CPZ: variants seen among roughly 807,000 people sequenced by gnomAD.
CPZ encodes VEZT/CPZ fusion.
A neutral mutation model predicts 61.8 loss-of-function variants in CPZ; 103 were observed. The ratio of observed to expected loss-of-function variants is 1.67; its 90% CI spans 1.42 to 1.96. The LOEUF is 1.96. CPZ is among the 30% of genes most tolerant of loss of function. CPZ has a pLI of 0.00. For synonymous variants in CPZ, 551 were observed against 373.7 expected, an observed-to-expected ratio of 1.47 and a Z score of -5.47; for missense variants, 1,461 against 914.9, an observed-to-expected ratio of 1.60 and a Z score of -7.70.
In CPZ at chr4:8,607,252, G is replaced by C. The variant is rs2302578; in HGVS notation, c.1069-15G>C. Reference sequence around the variant, plus strand: ...AAAGCCCAGCCCTGAGGGCGGCCTCGTCTGTCCTGGGCAGGTGGCCCCGGA... The same window carrying C: ...AAAGCCCAGCCCTGAGGGCGGCCTCCTCTGTCCTGGGCAGGTGGCCCCGGA... On this transcript the variant is annotated splice_polypyrimidine_tract_variant and intron_variant, in intron 6 of 10. Transcript: ENST00000360986. 6.2e-7 allele frequency: 1 copy of C among 1,612,570 alleles called. No homozygotes were observed.
At chr4:8,610,987 CTCACTCTTTCACTCATTCACTCACTCAT>C (rs1667840493) in intron 7 of CPZ, among the ~76,000 whole-genome samples, 1 of 150,662 alleles carries the variant, frequency 6.6e-6, no homozygotes, top group Non-Finnish European at 1.5e-5. Flanking sequence ...CACTCAGTCA[CTCACTCTTTCACTCATTCACTCACTCAT>C]TCACTCATTC....
intron 9 of CPZ, 166 bp from the exon 10 acceptor site, chr4:8,618,263 A>T: frequency 1.6e-6 from 1 of 624,776 alleles, no homozygotes; most frequent in South Asian, 1.9e-5. Flanking sequence ...GAGGGGAGTG[A>T]CTGACTCGTT....
Position 8,601,270 on chromosome 4 carries a change from A to T in CPZ, c.269A>T (p.Glu90Val), listed in dbSNP as rs1345176869. 5.0e-6 allele frequency: 8 copies of T among 1,613,582 alleles called. No individual in the cohort carries two copies. Among genetic ancestry groups the T allele is most frequent in the Non-Finnish European group, 6.8e-6 (8 of 1,179,886 alleles). ...ILLSVLHQLL[E>V]GQCNPDLRLL... is the part of the protein sequence containing the mutation. Reference sequence around the variant, plus strand: ...CTGAGCGTTCTACACCAGCTCCTGGAAGGCCAGTGCAACCCGGACCTGCGG... The same window carrying T: ...CTGAGCGTTCTACACCAGCTCCTGGTAGGCCAGTGCAACCCGGACCTGCGG... Residue 90 changes from glutamate (E) to valine (V), a missense_variant, in exon 3 of 11, where the codon GAA becomes GTA. Transcript: ENST00000360986.
intron 8 of CPZ, among the ~76,000 whole-genome samples, chr4:8,613,846 A>T (rs919969465): frequency 1.3e-5 from 2 of 152,102 alleles, no homozygotes; most frequent in Non-Finnish European, 2.9e-5. Flanking sequence ...ACCCTCCTAG[A>T]CTCTGGTCAG....
chr4:8,612,600 A>G (rs1715811015), intron 8 of CPZ, among the ~76,000 whole-genome samples: 1 of 152,222 alleles, frequency 6.6e-6, no homozygotes, highest in South Asian at 2.1e-4. Flanking sequence ...GACTGATACT[A>G]CAATTGTATC....
At chr4:8,617,872 G>A (rs376967815) in intron 9 of CPZ, among the ~76,000 whole-genome samples, 80 of 152,300 alleles carry the variant, frequency 5.3e-4, no homozygotes, top group African/African-American at 1.5e-3. Context: ...GGGTGAAAAC[G>A]TTGGAGCTGT....
At position 8,605,900 on chromosome 4, in the gene CPZ, C is replaced by T. The variant is rs927819827; in HGVS notation, c.710-89C>T. ...CAAGTATGAATTGGTCCCAGCCCAT[C>T]TGGTCATTCTTGCTGAGTGGGGGGG... On this transcript the variant is annotated intron_variant, in intron 4 of 10. Coordinates refer to ENST00000360986, the MANE Select transcript of CPZ (RefSeq NM_001014447.3). 6 of 1,309,668 alleles carry T rather than the reference C, an allele frequency of 4.6e-6. No individual in the cohort carries two copies. In the Admixed American group the frequency reaches 1.2e-4, roughly 26 times the overall value. 81.1% of individuals were successfully genotyped at this position (1,309,668 alleles called of 1,614,324 possible). A position where few individuals can be genotyped will look rare whatever the true frequency, so the allele number is the denominator to read the frequency against.
rs572672412 is a variant in CPZ at position 8,619,651 on chromosome 4, C to T, written c.*34C>T. The stretch of plus-strand genomic sequence containing the variant: ...CCAGCACCCGCCAGGATGTGGAGAC[C>T]GAGGCCCATCTCCGCATCCCGGGCT... On this transcript the variant is annotated 3_prime_UTR_variant, in exon 11 of 11. Transcript: ENST00000360986. 3.3e-5 allele frequency: 47 copies of T among 1,436,246 alleles called. No individual in the cohort carries two copies. The highest frequency in any genetic ancestry group is 1.3e-4 in the African/African-American group (9 of 69,652). The allele number at this position is 1,436,246 out of a possible 1,614,324, so 89.0% of individuals were successfully genotyped here. A position where few individuals can be genotyped will look rare whatever the true frequency, so the allele number is the denominator to read the frequency against.
rs1373032421 is a variant in CPZ at position 8,609,380 on chromosome 4, CTCTTATTCTTTCACTCAT to C, written c.1227+1957_1227+1974del. Among the ~76,000 whole-genome samples, 11 of 152,358 alleles carry C rather than the reference CTCTTATTCTTTCACTCAT, an allele frequency of 7.2e-5. No homozygotes were observed. The East Asian group carries it at 2.1e-3, about 29-fold the overall frequency. On this transcript the variant is annotated intron_variant, in intron 7 of 10. Coordinates refer to ENST00000360986, the MANE Select transcript of CPZ (RefSeq NM_001014447.3). ...ATTCACTCACAAACTCATTCACTCA[CTCTTATTCTTTCACTCAT>C]TGGTTTATTCCCGCACTCCTTCCCT...
intron 8 of CPZ, among the ~76,000 whole-genome samples, chr4:8,613,100 A>G (rs1715850447): frequency 6.7e-6 from 1 of 149,612 alleles, no homozygotes. Flanking sequence ...ACAGACACCC[A>G]CGAGCAGAGC....
At position 8,601,431 on chromosome 4, in the gene CPZ, C is replaced by T. The variant is rs767690202; in HGVS notation, c.430C>T (p.Leu144Phe). ...DAIDMAWPYFLDCHRYFTRED... is the reference protein window; with the variant it reads ...DAIDMAWPYFFDCHRYFTRED... Reference sequence around the variant, plus strand: ...CATTGACATGGCCTGGCCCTACTTCCTTGACTGCCACCGCTACTTCACGAG... The same window carrying T: ...CATTGACATGGCCTGGCCCTACTTCTTTGACTGCCACCGCTACTTCACGAG... Residue 144 changes from leucine (L) to phenylalanine (F), a missense_variant, in exon 3 of 11, where the codon CTT becomes TTT. Leu to Phe is a conservative substitution (Grantham distance 22). Transcript: ENST00000360986. 1 of 1,562,018 alleles carries T rather than the reference C, an allele frequency of 6.4e-7. No individual in the cohort carries two copies. Among genetic ancestry groups the T allele is most frequent in the African/African-American group, 1.4e-5 (1 of 74,046 alleles).
intron 7 of CPZ, among the ~76,000 whole-genome samples, chr4:8,608,281 G>A (rs1715224451): frequency 6.6e-6 from 1 of 152,162 alleles, no homozygotes. Context: ...GCTTCGCGTG[G>A]AGAGCCAGGC....
rs1027050472 is a variant in CPZ at position 8,612,103 on chromosome 4, G to A, written c.1304G>A (p.Gly435Asp). ...GACAGGTCGGAGAATAGGTGTGGAG[G>A]CAATTTCCTGAAGAGGGGGAGCATC... is the stretch of plus-strand genomic sequence containing the variant. ...MMDRSENRCGGNFLKRGSIIN... is the reference protein window; with the variant it reads ...MMDRSENRCGDNFLKRGSIIN... The change falls in exon 8 of 11, where the codon GGC (glycine) becomes GAC (aspartate). Residue 435 changes from glycine to aspartate, a missense_variant. By Grantham distance (94) the Gly-to-Asp change is moderately conservative. Coordinates refer to ENST00000360986, the MANE Select transcript of CPZ (RefSeq NM_001014447.3). 3.7e-6 allele frequency: 6 copies of A among 1,610,948 alleles called. No individual in the cohort carries two copies. The Admixed American group carries it at 5.0e-5, about 13-fold the overall frequency.
At chr4:8,612,205 G>GGGGGGGGGGGGGGT in intron 8 of CPZ, 43 bp downstream of exon 8, 1 of 202,856 alleles carries the variant, frequency 4.9e-6, no homozygotes, top group Non-Finnish European at 9.6e-6. Context: ...GGTGGGGGGT[G>GGGGGGGGGGGGGGT]CAGGGGCTGG....
At chr4:8,595,449 C>A (rs11930657) in intron 1 of CPZ, among the ~76,000 whole-genome samples, 3,297 of 152,336 alleles carry the variant, frequency 0.022, 35 homozygotes, top group Middle Eastern at 0.031. Flanking sequence ...AGGGCAGGTG[C>A]GGCCTGGGAG....
rs1391361937 is a variant in CPZ at position 8,599,467 on chromosome 4, C to T, written c.103C>T (p.Pro35Ser). ...TCTCTTTCCAGGTGAATGCCACAGG[C>T]CACCAGCTGCAGACAGCGGTACAGT... ...ERNPAGECHRPPAADSATCVD... is the reference protein window; with the variant it reads ...ERNPAGECHRSPAADSATCVD... Residue 35 changes from proline to serine, a missense_variant, in exon 2 of 11, where the codon CCA (proline) becomes TCA (serine). Physicochemically the swap from Pro to Ser is moderately conservative, Grantham distance 74. Coordinates refer to ENST00000360986, the MANE Select transcript of CPZ (RefSeq NM_001014447.3). The T allele has an allele frequency of 1.9e-6, 3 of 1,612,202 alleles. No homozygotes were observed. The highest frequency in any genetic ancestry group is 1.3e-5 in the African/African-American group (1 of 74,882).
At chr4:8,607,018 C>T (rs1715093864) in intron 6 of CPZ, 120 bp downstream of exon 6, 2 of 1,213,870 alleles carry the variant, frequency 1.6e-6, no homozygotes, top group East Asian at 2.6e-5. Context: ...CCCTCCCTGC[C>T]TCAGTTACCT....
chr4:8,618,447 G>C lies in CPZ; in HGVS notation c.1522G>C (p.Gly508Arg). ...FVETVHRGIK[G>R]VVTDKFGKPV... ...TCTTCAGGTGCACCGGGGCATCAAA[G>C]GTGTGGTGACAGATAAATTCGGCAA... The change falls in exon 10 of 11, where the codon GGT becomes CGT. Residue 508 changes from glycine to arginine, a missense_variant. Gly to Arg is a moderately radical substitution (Grantham distance 125, BLOSUM62 -2). Transcript: ENST00000360986. The C allele has an allele frequency of 3.1e-6, 5 of 1,614,204 alleles. No homozygotes were observed. Among genetic ancestry groups the C allele is most frequent in the Non-Finnish European group, 3.4e-6 (4 of 1,180,016 alleles).
At chr4:8,599,859 T>C in intron 2 of CPZ, 2 of 250,940 alleles carry the variant, frequency 8.0e-6, no homozygotes, top group Non-Finnish European at 7.7e-6. Context: ...GTGAGTCACC[T>C]CCCCCGCCAG....
Sources: gnomAD v4.1 joint callset for allele counts (sites outside exome capture counted in the v4.1 genomes callset) on GRCh38, gnomAD v4.1.1 for gene constraint, MANE v1.5 for transcripts, NCBI Gene and HGNC (gene_info 2026-07-23, HGNC 2026-07-21) for gene names.